Variants in NTN4 observed in about 807,000 individuals in gnomAD.
NTN4 encodes netrin-4.
NTN4 carries 32 observed loss-of-function variants against 73.6 expected under a neutral mutation model. The observed-to-expected ratio is 0.44, with a 90% confidence interval of 0.33 to 0.58. The LOEUF (loss-of-function observed/expected upper bound fraction) is 0.58. Ranked by LOEUF, NTN4 falls within the 20% of genes least tolerant of loss-of-function variation. NTN4 has a pLI of 0.04. For missense variants in NTN4, 654 were observed against 798.3 expected (o/e 0.82, Z 2.18); for synonymous variants, 258 against 287.5 (o/e 0.90, Z 1.04).
intron 3 of NTN4, among the ~76,000 whole-genome samples, chr12:95,726,160 C>T (rs890657878): frequency 2.3e-4 from 35 of 151,994 alleles, no homozygotes; most frequent in African/African-American, 8.0e-4. Flanking sequence ...TTCTAGTGTA[C>T]ATTTCAGTGG....
chr12:95,659,292 G>T, intron 9 of NTN4, 70 bp from the exon 10 acceptor site: 2 of 1,252,002 alleles, frequency 1.6e-6, no homozygotes, highest in Non-Finnish European at 2.2e-6. Flanking sequence ...GACTCCAGCA[G>T]GTTTTCTTTT....
intron 5 of NTN4, among the ~76,000 whole-genome samples, chr12:95,684,747 T>C (rs1207200390): frequency 6.6e-6 from 1 of 152,214 alleles, no homozygotes; most frequent in African/African-American, 2.4e-5. Flanking sequence ...AGTGTATATC[T>C]ATGTGTTTGT....
chr12:95,786,244 G>T (rs956880462), intron 2 of NTN4, among the ~76,000 whole-genome samples: 1 of 152,058 alleles, frequency 6.6e-6, no homozygotes, highest in Non-Finnish European at 1.5e-5. Flanking sequence ...CTGAGGGTTG[G>T]GGGGAGCCTT....
intron 9 of NTN4, among the ~76,000 whole-genome samples, chr12:95,662,979 G>A (rs941324260): frequency 1.3e-5 from 2 of 152,038 alleles, no homozygotes; most frequent in African/African-American, 4.8e-5. Context: ...AAAATTAGCT[G>A]GGTTTGGTGG....
chr12:95,711,721 A>G (rs2078566240), intron 4 of NTN4, among the ~76,000 whole-genome samples: 2 of 152,218 alleles, frequency 1.3e-5, no homozygotes, highest in Admixed American at 6.5e-5. Context: ...TTATAAGTCA[A>G]TAGCATCAAG....
At chr12:95,690,947 G>A (rs1040767424) in intron 5 of NTN4, among the ~76,000 whole-genome samples, 3 of 152,156 alleles carry the variant, frequency 2.0e-5, no homozygotes, top group Non-Finnish European at 4.4e-5. Flanking sequence ...ACTCATTTCA[G>A]GAATGGCCAG....
At chr12:95,766,563 A>T (rs1480934915) in intron 2 of NTN4, among the ~76,000 whole-genome samples, 1 of 152,246 alleles carries the variant, frequency 6.6e-6, no homozygotes, top group Admixed American at 6.5e-5. Flanking sequence ...TCCCTCTTCA[A>T]ACATCTAAAG....
chr12:95,725,381 T>C (rs1729506423), intron 3 of NTN4, among the ~76,000 whole-genome samples: 1 of 152,124 alleles, frequency 6.6e-6, no homozygotes. Flanking sequence ...CTATTAGAAA[T>C]GCTGTAAGGA....
chr12:95,771,028 C>T (rs1243110634), intron 2 of NTN4, among the ~76,000 whole-genome samples: 8 of 123,478 alleles, frequency 6.5e-5, no homozygotes, highest in East Asian at 2.0e-4. Context: ...CTCGCTCTGT[C>T]GCCCAGGCTG....
At chr12:95,721,370 A>C (rs1357265398) in intron 3 of NTN4, among the ~76,000 whole-genome samples, 1 of 152,044 alleles carries the variant, frequency 6.6e-6, no homozygotes, top group Non-Finnish European at 1.5e-5. Context: ...AATTTCCCAC[A>C]CCTGGCATAA....
intron 2 of NTN4, among the ~76,000 whole-genome samples, chr12:95,784,124 C>G (rs1446423956): frequency 6.6e-6 from 1 of 152,148 alleles, no homozygotes; most frequent in Non-Finnish European, 1.5e-5. Flanking sequence ...TTTGAGACTT[C>G]TTATTTTTAA....
intron 5 of NTN4, among the ~76,000 whole-genome samples, chr12:95,702,858 G>GTTTTT: frequency 8.1e-6 from 1 of 123,706 alleles, no homozygotes; most frequent in South Asian, 2.8e-4. Context: ...TTTTTTTTTG[G>GTTTTT]TTTTTTTTTT....
At chr12:95,748,244 A>AAAAAAAAAAG (rs1555219977) in intron 2 of NTN4, among the ~76,000 whole-genome samples, 146 of 138,450 alleles carry the variant, frequency 1.1e-3, no homozygotes, top group Non-Finnish European at 1.6e-3. Flanking sequence ...AAAAAAAAAA[A>AAAAAAAAAAG]AAAAGAAAAG....
intron 2 of NTN4, among the ~76,000 whole-genome samples, chr12:95,779,826 C>T (rs887345375): frequency 3.3e-5 from 5 of 152,164 alleles, no homozygotes; most frequent in African/African-American, 9.6e-5. Context: ...CATATGGAAC[C>T]AAAAAAGAGC....
At chr12:95,759,465 T>C (rs1439972514) in intron 2 of NTN4, among the ~76,000 whole-genome samples, 1 of 151,760 alleles carries the variant, frequency 6.6e-6, no homozygotes, top group Non-Finnish European at 1.5e-5. Flanking sequence ...CTATCTAATC[T>C]ACTGTCAGTC....
chr12:95,778,235 C>T (rs978711644), intron 2 of NTN4, among the ~76,000 whole-genome samples: 2 of 152,158 alleles, frequency 1.3e-5, no homozygotes, highest in African/African-American at 4.8e-5. Flanking sequence ...GACACCCTAA[C>T]ATCACAATTA....
chr12:95,760,476 G>C (rs7955779), intron 2 of NTN4, among the ~76,000 whole-genome samples: 83,390 of 151,578 alleles, frequency 0.55, 23,134 homozygotes, highest in East Asian at 0.68. Context: ...ACAAATTCTA[G>C]CTGCCCTGGC....
Position 95,786,882 on chromosome 12 carries a change from G to A in NTN4, c.585+57C>T, listed in dbSNP as rs562323689. On this transcript the variant is annotated intron_variant, in intron 2 of 9. Transcript: ENST00000343702. Reference sequence around the variant, plus strand: ...AGCTTCATGCTTTAAAAAAAAATGCGGGCTGGTAACATTTTTCTATCTTAC... The same window carrying A: ...AGCTTCATGCTTTAAAAAAAAATGCAGGCTGGTAACATTTTTCTATCTTAC... 218 of 1,414,396 alleles carry A rather than the reference G, an allele frequency of 1.5e-4. 1 individual carries two copies. The Middle Eastern group carries it at 2.0e-3, about 13-fold the overall frequency. The allele number at this position is 1,414,396 out of a possible 1,614,324, so 87.6% of individuals were successfully genotyped here.
chr12:95,767,992 A>G (rs2079031626), intron 2 of NTN4, among the ~76,000 whole-genome samples: 2 of 152,166 alleles, frequency 1.3e-5, no homozygotes, highest in Admixed American at 6.5e-5. Flanking sequence ...CCAACACACT[A>G]TTTAGTGTGT....
Sources: gnomAD v4.1 joint callset for allele counts (sites outside exome capture counted in the v4.1 genomes callset) on GRCh38, gnomAD v4.1.1 for gene constraint, MANE v1.5 for transcripts, NCBI Gene and HGNC (gene_info 2026-07-23, HGNC 2026-07-21) for gene names.